The following DSN1 variants were observed in gnomAD, a reference collection of about 807,000 sequenced individuals.
DSN1 encodes the protein kinetochore-associated protein DSN1 homolog.
In DSN1, 31 loss-of-function variants were observed where a neutral mutation model predicts 45.7. The observed-to-expected ratio is 0.68, with a 90% confidence interval of 0.51 to 0.92. DSN1 has a LOEUF of 0.92. Ranked by LOEUF, DSN1 falls within the 40% of genes least tolerant of loss-of-function variation. The pLI, the probability that DSN1 is intolerant of heterozygous loss-of-function variation, is 0.00. For missense variants in DSN1, 394 were observed against 414.2 expected (o/e 0.95, Z 0.42); for synonymous variants, 134 against 142.3 (o/e 0.94, Z 0.41).
At position 36,762,402 on chromosome 20, in the gene DSN1, C is replaced by T. The variant is rs1470226235; in HGVS notation, c.590+59G>A. ...TGGGATTACAGGCCTGAGCCACCAA[C>T]GCCCGGCCTAAAGTCCTAATTCAAT... On this transcript the variant is annotated intron_variant, in intron 6 of 10. Coordinates refer to ENST00000373750, the MANE Select transcript of DSN1 (RefSeq NM_001145315.2). The T allele has an allele frequency of 6.7e-6, 10 of 1,503,042 alleles. No homozygotes were observed. The South Asian group carries it at 7.3e-5, about 11-fold the overall frequency. The allele number at this position is 1,503,042 out of a possible 1,614,324, so 93.1% of individuals were successfully genotyped here. A position where few individuals can be genotyped will look rare whatever the true frequency, so the allele number is the denominator to read the frequency against.
chr20:36,767,080 C>T (rs1255140450), intron 4 of DSN1, among the ~76,000 whole-genome samples: 2 of 151,178 alleles, frequency 1.3e-5, no homozygotes, highest in African/African-American at 4.9e-5. Context: ...CTGAGACAGG[C>T]GGATAATAAG....
intron 5 of DSN1, among the ~76,000 whole-genome samples, chr20:36,766,194 CAAAAAAAAAA>C (rs368772931): frequency 2.1e-5 from 1 of 48,034 alleles, no homozygotes; most frequent in East Asian, 6.8e-4. Flanking sequence ...GACTCCATCT[CAAAAAAAAAA>C]AAAAAAAAGA....
At chr20:36,757,446 G>A (rs777625384) in intron 8 of DSN1, among the ~76,000 whole-genome samples, 20 of 152,088 alleles carry the variant, frequency 1.3e-4, no homozygotes, top group Non-Finnish European at 2.5e-4. Context: ...ACGCATCATG[G>A]CAGACACCTG....
chr20:36,752,972 C>T, intron 10 of DSN1, 75 bp from the exon 11 acceptor site: 1 of 1,159,812 alleles, frequency 8.6e-7, no homozygotes. Flanking sequence ...AATGTAGGGA[C>T]ATTGTGACAC....
chr20:36,759,093 C>T (rs892127206), intron 6 of DSN1, among the ~76,000 whole-genome samples: 2 of 152,198 alleles, frequency 1.3e-5, no homozygotes, highest in African/African-American at 4.8e-5. Flanking sequence ...AGTGATTTTC[C>T]TGCCTCAGCC....
chr20:36,763,905 A>G (rs1458018099), intron 5 of DSN1, among the ~76,000 whole-genome samples: 1 of 149,384 alleles, frequency 6.7e-6, no homozygotes, highest in Non-Finnish European at 1.5e-5. Context: ...AAAAAAAAAA[A>G]AAAAAAGAAA....
intron 10 of DSN1, among the ~76,000 whole-genome samples, chr20:36,753,650 AAAAG>A (rs1389374553): frequency 4.7e-5 from 7 of 150,372 alleles, no homozygotes; most frequent in African/African-American, 9.8e-5. Context: ...AAAAAAAAAA[AAAAG>A]AAAAAGAAAG....
chr20:36,769,902 TACACACACACACACACAC>T (rs66970744), intron 3 of DSN1, among the ~76,000 whole-genome samples: 10 of 117,268 alleles, frequency 8.5e-5, no homozygotes, highest in Non-Finnish European at 1.7e-4. Context: ...TCACTGTAGA[TACACACACACACACACAC>T]ACACACACAC....
chr20:36,767,213 G>A (rs2425280), intron 4 of DSN1, among the ~76,000 whole-genome samples: 2,521 of 151,286 alleles, frequency 0.017, 53 homozygotes, highest in African/African-American at 0.058. Context: ...AGGCTGAGGC[G>A]GTAGAATCGC....
rs71186016 is a variant in DSN1 at position 36,763,410 on chromosome 20, G to GAAAAAAAA, written c.503-870_503-863dup. 3.2e-4 allele frequency among the ~76,000 whole-genome samples: 27 copies of GAAAAAAAA among 84,104 alleles called. 2 individuals carry two copies. The highest frequency in any genetic ancestry group is 1.5e-3 in the South Asian group (3 of 1,936). 55.2% of individuals were successfully genotyped at this position (84,104 alleles called of 152,430 possible). On this transcript the variant is annotated intron_variant, in intron 5 of 10. Coordinates refer to ENST00000373750, the MANE Select transcript of DSN1 (RefSeq NM_001145315.2). The stretch of plus-strand genomic sequence containing the variant: ...AGAATGAGACTCTGTCTCAAAAAAA[G>GAAAAAAAA]AAAAAAAAAAAAAAAAAAAAAAAGA...
rs1421292778 is a variant in DSN1 at position 36,752,914 on chromosome 20, C to G, written c.962-17G>C. 6.3e-7 allele frequency: 1 copy of G among 1,581,388 alleles called. No homozygotes were observed. The stretch of plus-strand genomic sequence containing the variant: ...TTCTCTTTCCTGCAGAGAAAAGAGG[C>G]CAAAAAATAAATTTCAATTGAAATA... On this transcript the variant is annotated splice_polypyrimidine_tract_variant and intron_variant, in intron 10 of 10. Coordinates refer to ENST00000373750, the MANE Select transcript of DSN1 (RefSeq NM_001145315.2).
intron 6 of DSN1, among the ~76,000 whole-genome samples, chr20:36,760,782 G>A (rs1423041031): frequency 6.6e-6 from 1 of 152,048 alleles, no homozygotes. Context: ...TAGCTACTCG[G>A]GTTAGGCTGA....
At chr20:36,772,990 G>C (rs545165070) in intron 1 of DSN1, among the ~76,000 whole-genome samples, 13 of 152,338 alleles carry the variant, frequency 8.5e-5, no homozygotes, top group African/African-American at 3.1e-4. Flanking sequence ...TCTGTCTGTG[G>C]GGGGTGCTAA....
At chr20:36,760,859 C>T (rs988983926) in intron 6 of DSN1, among the ~76,000 whole-genome samples, 2 of 152,264 alleles carry the variant, frequency 1.3e-5, no homozygotes, top group South Asian at 4.1e-4. Flanking sequence ...CATTACACTC[C>T]AGCCTGGGTG....
chr20:36,762,675 C>T, intron 5 of DSN1, 127 bp from the exon 6 acceptor site: 1 of 684,832 alleles, frequency 1.5e-6, no homozygotes, highest in Non-Finnish European at 2.3e-6. Flanking sequence ...TCAAGCCCAC[C>T]CAAAAGTGTG....
intron 6 of DSN1, among the ~76,000 whole-genome samples, chr20:36,759,213 C>G (rs950790990): frequency 1.3e-5 from 2 of 151,746 alleles, no homozygotes; most frequent in African/African-American, 4.8e-5. Context: ...AAACTCCTGA[C>G]CTCATGATCC....
At chr20:36,767,891 G>A in intron 4 of DSN1, 78 bp downstream of exon 4, 1 of 1,427,856 alleles carries the variant, frequency 7.0e-7, no homozygotes, top group Admixed American at 1.7e-5. Context: ...GACAGAGTCA[G>A]GCTCCATCTA....
intron 3 of DSN1, 143 bp from the exon 4 acceptor site, chr20:36,768,185 T>C: frequency 1.4e-6 from 1 of 722,162 alleles, no homozygotes; most frequent in Non-Finnish European, 2.3e-6. Flanking sequence ...TTCTAATTTT[T>C]GCAGGATCAC....
chr20:36,757,039 T>C (rs1284652917), intron 8 of DSN1, among the ~76,000 whole-genome samples: 1 of 152,146 alleles, frequency 6.6e-6, no homozygotes, highest in East Asian at 1.9e-4. Flanking sequence ...AACCATGGTT[T>C]AAATGTTCAA....
Sources: gnomAD v4.1 joint callset for allele counts (sites outside exome capture counted in the v4.1 genomes callset) on GRCh38, gnomAD v4.1.1 for gene constraint, MANE v1.5 for transcripts, NCBI Gene and HGNC (gene_info 2026-07-23, HGNC 2026-07-21) for gene names.